The following BPTF variants were observed in gnomAD, a reference collection of about 807,000 sequenced individuals.
BPTF encodes the protein nucleosome-remodeling factor subunit BPTF.
BPTF carries 18 observed loss-of-function variants against 292.5 expected under a neutral mutation model. The observed-to-expected ratio is 0.06, with a 90% confidence interval of 0.04 to 0.09. The LOEUF (loss-of-function observed/expected upper bound fraction) is 0.09. Ranked by LOEUF, BPTF falls within the 10% of genes least tolerant of loss-of-function variation. The pLI is 1.00. For missense variants in BPTF, 2,726 were observed against 3,498.7 expected (o/e 0.78, Z 5.57); for synonymous variants, 1,225 against 1,251.9 (o/e 0.98, Z 0.45).
rs56335701 is a variant in BPTF, at chr17:67,843,754, C to CTTTTTTTTTTTTTT, written c.614-10171_614-10158dup. Among the ~76,000 whole-genome samples the CTTTTTTTTTTTTTT allele has an allele frequency of 9.3e-4, 58 of 62,222 alleles. 10 individuals carry two copies. Among genetic ancestry groups the CTTTTTTTTTTTTTT allele is most frequent in the African/African-American group, 4.5e-3 (54 of 11,920 alleles). The allele number at this position is 62,222 out of a possible 152,430, so 40.8% of individuals were successfully genotyped here. A position where few individuals can be genotyped will look rare whatever the true frequency, so the allele number is the denominator to read the frequency against. ...TTTTTAAATTGTCTGGAGCAGTTGT[C>CTTTTTTTTTTTTTT]TTTTTTTTTTTTTTTTTTTTTTTTT... On this transcript the variant is annotated intron_variant, in intron 1 of 27. Coordinates refer to ENST00000306378, the MANE Select transcript of BPTF (RefSeq NM_182641.4).
chr17:67,981,716 A>G, intron 27 of BPTF: 2 of 985,050 alleles, frequency 2.0e-6, no homozygotes, highest in Non-Finnish European at 2.4e-6. Context: ...ACTGTACAGT[A>G]ATTTGGTTTA....
In BPTF at chr17:67,837,408, G is replaced by GT. The variant is rs1231729299; in HGVS notation, c.613+11075dup. ...AACCTTCCCTAGTCTGTGCTTATGT[G>GT]TTTTGTTTTTTTTTTTTGAGATGGA... On this transcript the variant is annotated intron_variant, in intron 1 of 27. Transcript: ENST00000306378. 1.8e-3 allele frequency among the ~76,000 whole-genome samples: 271 copies of GT among 150,228 alleles called. 2 individuals carry two copies. The highest frequency in any genetic ancestry group is 6.5e-3 in the African/African-American group (264 of 40,510).
intron 17 of BPTF, among the ~76,000 whole-genome samples, chr17:67,930,696 C>G (rs955923331): frequency 5.3e-5 from 8 of 152,104 alleles, no homozygotes; most frequent in Admixed American, 2.0e-4. Flanking sequence ...GTAATGCCAG[C>G]ACTTTGGGAG....
chr17:67,947,541 G>A (rs1197192267), intron 21 of BPTF, among the ~76,000 whole-genome samples, 185 bp from the exon 22 acceptor site: 5 of 152,116 alleles, frequency 3.3e-5, no homozygotes, highest in African/African-American at 4.8e-5. Context: ...AGCCTAGCAC[G>A]GTACCCAGCA....
intron 16 of BPTF, chr17:67,929,093 G>A (rs987750204): frequency 4.9e-5 from 63 of 1,292,178 alleles, no homozygotes; most frequent in Middle Eastern, 2.0e-4. Flanking sequence ...CAAGATTGTC[G>A]CTGTAAATGT....
At chr17:67,959,460 G>A in intron 23 of BPTF, 81 bp from the exon 24 acceptor site, 1 of 1,102,948 alleles carries the variant, frequency 9.1e-7, no homozygotes, top group Non-Finnish European at 1.3e-6. Flanking sequence ...TGACAAGAGT[G>A]GGTAGTGTAC....
chr17:67,882,319 T>A (rs769811161), intron 4 of BPTF, among the ~76,000 whole-genome samples: 79 of 152,242 alleles, frequency 5.2e-4, no homozygotes, highest in Non-Finnish European at 9.9e-4. Flanking sequence ...TCCCTATGCT[T>A]TTTTGGTGGG....
chr17:67,882,543 TAAG>T (rs1180360879), intron 4 of BPTF, among the ~76,000 whole-genome samples: 2 of 152,210 alleles, frequency 1.3e-5, no homozygotes, highest in African/African-American at 4.8e-5. Flanking sequence ...GCATTAATAA[TAAG>T]AGGAAGTGAT....
At chr17:67,849,145 T>A (rs1170830225) in intron 1 of BPTF, among the ~76,000 whole-genome samples, 2 of 152,188 alleles carry the variant, frequency 1.3e-5, no homozygotes, top group Non-Finnish European at 2.9e-5. Flanking sequence ...AGTAGTGGTT[T>A]TCAAACTTGC....
At chr17:67,954,284 C>A (rs781967040) in intron 23 of BPTF, among the ~76,000 whole-genome samples, 1 of 152,064 alleles carries the variant, frequency 6.6e-6, no homozygotes, top group African/African-American at 2.4e-5. Flanking sequence ...CCTCTTGCCT[C>A]GACCTCCCAA....
intron 14 of BPTF, among the ~76,000 whole-genome samples, chr17:67,923,958 C>T (rs2063653724): frequency 6.6e-6 from 1 of 152,090 alleles, no homozygotes; most frequent in South Asian, 2.1e-4. Flanking sequence ...TCTCCTGCCT[C>T]AGCCTGCCAA....
intron 1 of BPTF, among the ~76,000 whole-genome samples, chr17:67,828,868 C>T (rs2056373029): frequency 6.6e-6 from 1 of 152,302 alleles, no homozygotes; most frequent in Non-Finnish European, 1.5e-5. Flanking sequence ...GTCTACTTGT[C>T]TTATCCTTAT....
Position 67,920,163 on chromosome 17 carries a change from T to G in BPTF, c.5557+20T>G. The G allele has an allele frequency of 6.2e-7, 1 of 1,601,786 alleles. No homozygotes were observed. The highest frequency in any genetic ancestry group is 8.5e-7 in the Non-Finnish European group (1 of 1,171,926). On this transcript the variant is annotated intron_variant, in intron 13 of 27. Transcript: ENST00000306378. ...CAAAAGGTAAGAAATAGAATTCTAT[T>G]CTTTCATGATTAACCTGTTAACCAT...
intron 10 of BPTF, among the ~76,000 whole-genome samples, chr17:67,910,049 C>A (rs903073660): frequency 2.0e-5 from 3 of 152,192 alleles, no homozygotes; most frequent in African/African-American, 7.2e-5. Flanking sequence ...GAAAGTGCCA[C>A]CAGCTTAGTG....
intron 9 of BPTF, among the ~76,000 whole-genome samples, chr17:67,909,300 T>G: frequency 8.0e-6 from 1 of 125,126 alleles, no homozygotes; most frequent in South Asian, 3.1e-4. Flanking sequence ...TATCCTGCAG[T>G]GTTTTAAAAC....
chr17:67,924,548 G>A lies in BPTF; in HGVS notation c.5710G>A (p.Val1904Met). The change falls in exon 15 of 28, where the codon GTG becomes ATG. Residue 1904 changes from valine to methionine, a missense_variant and splice_region_variant. Around this residue, in one of 22 missense-constraint regions of BPTF, gnomAD observed 198 missense variants for 277.1 expected, o/e 0.71. Coordinates refer to ENST00000306378, the MANE Select transcript of BPTF (RefSeq NM_182641.4). Reference protein sequence around the residue: ...LWEIRAFAERVEKEKAQAVEQ... With the variant: ...LWEIRAFAERMEKEKAQAVEQ... ...AAGTTTCTCCTTTTTTTCCTGCAGA[G>A]TGGAGAAAGAAAAGGCACAAGCAGT... 1.2e-6 allele frequency: 2 copies of A among 1,613,066 alleles called. No individual in the cohort carries two copies. Among genetic ancestry groups the A allele is most frequent in the Admixed American group, 1.7e-5 (1 of 59,824 alleles).
At chr17:67,878,709 G>A (rs557397269) in intron 4 of BPTF, among the ~76,000 whole-genome samples, 155 of 151,722 alleles carry the variant, frequency 1.0e-3, no homozygotes, top group Non-Finnish European at 1.8e-3. Flanking sequence ...TGTGTCAGTC[G>A]TTTAGATATC....
chr17:67,846,834 G>A (rs573919095), intron 1 of BPTF, among the ~76,000 whole-genome samples: 153 of 152,218 alleles, frequency 1.0e-3, no homozygotes, highest in African/African-American at 3.6e-3. Context: ...TGGAGTAGCT[G>A]GGATTACAGG....
intron 1 of BPTF, among the ~76,000 whole-genome samples, chr17:67,842,481 A>G (rs571448718): frequency 1.9e-4 from 29 of 151,972 alleles, no homozygotes; most frequent in African/African-American, 7.0e-4. Flanking sequence ...TTCTTCTTAG[A>G]CCTCTCCTCT....
Sources: allele counts gnomAD v4.1 joint callset (sites outside exome capture counted in the v4.1 genomes callset), GRCh38; gene constraint gnomAD v4.1.1; regional missense constraint gnomAD v4.1.1; transcripts MANE v1.5; gene names NCBI Gene and HGNC (gene_info 2026-07-23, HGNC 2026-07-21).